Variants in MTMR2 observed in about 807,000 individuals in gnomAD.
The protein encoded by MTMR2 is phosphatidylinositol-3,5-bisphosphate 3-phosphatase MTMR2.
Under a neutral mutation model 86.9 loss-of-function variants are expected in MTMR2, and 55 were observed. The observed-to-expected ratio is 0.63, with a 90% confidence interval of 0.51 to 0.79. MTMR2 has a LOEUF of 0.79. Among genes scored for constraint, MTMR2 ranks in the 30% least tolerant of loss-of-function variants. The pLI, the probability that MTMR2 is intolerant of heterozygous loss-of-function variation, is 0.00. For synonymous variants in MTMR2, 241 were observed against 266.8 expected (o/e 0.90, Z 0.94); for missense variants, 659 against 772.3 (o/e 0.85, Z 1.74).
intron 5 of MTMR2, among the ~76,000 whole-genome samples, chr11:95,861,076 C>T (rs937178064): frequency 1.3e-5 from 2 of 150,580 alleles, no homozygotes; most frequent in African/African-American, 4.9e-5. Context: ...AGGAGAATCC[C>T]GTGAACCCAG....
chr11:95,840,401 G>A (rs1435494362), intron 12 of MTMR2, among the ~76,000 whole-genome samples: 1 of 152,102 alleles, frequency 6.6e-6, no homozygotes, highest in African/African-American at 2.4e-5. Context: ...AAAAAGGATT[G>A]TAGGGACTTA....
intron 1 of MTMR2, among the ~76,000 whole-genome samples, chr11:95,893,164 C>A (rs1203416466): frequency 6.6e-6 from 1 of 152,136 alleles, no homozygotes; most frequent in Admixed American, 6.6e-5. Flanking sequence ...AAGCTGCCAT[C>A]ATTATGGGAA....
chr11:95,889,115 T>C (rs935021688), intron 1 of MTMR2, among the ~76,000 whole-genome samples: 2 of 151,272 alleles, frequency 1.3e-5, no homozygotes, highest in Non-Finnish European at 2.9e-5. Flanking sequence ...ACTTTTACTT[T>C]CTTAAATTCC....
intron 2 of MTMR2, among the ~76,000 whole-genome samples, chr11:95,866,915 T>C (rs1233760030): frequency 6.6e-6 from 1 of 151,972 alleles, no homozygotes; most frequent in Non-Finnish European, 1.5e-5. Flanking sequence ...TATAAAATGG[T>C]AACTATTATA....
At chr11:95,865,922 C>T (rs747551571) in intron 2 of MTMR2, among the ~76,000 whole-genome samples, 1 of 152,068 alleles carries the variant, frequency 6.6e-6, no homozygotes. Flanking sequence ...AAAAATTGTA[C>T]ATGTTTTTGC....
intron 1 of MTMR2, among the ~76,000 whole-genome samples, chr11:95,922,746 G>C (rs887661307): frequency 6.6e-6 from 1 of 152,194 alleles, no homozygotes; most frequent in Admixed American, 6.5e-5. Flanking sequence ...AGGGAGCTAT[G>C]AGTGCATATG....
chr11:95,906,699 C>A (rs562038478), intron 1 of MTMR2, among the ~76,000 whole-genome samples: 2 of 148,348 alleles, frequency 1.3e-5, no homozygotes, highest in South Asian at 4.4e-4. Flanking sequence ...TCTTGGATCA[C>A]AGTGCAATAA....
chr11:95,882,889 A>ATTTTTT (rs776661875), intron 2 of MTMR2, among the ~76,000 whole-genome samples: 12 of 76,104 alleles, frequency 1.6e-4, no homozygotes, highest in Non-Finnish European at 1.9e-4. Context: ...CATCCAGCTA[A>ATTTTTT]TTTTTTTTTT....
chr11:95,863,276 G>A lies in MTMR2; in HGVS notation c.263-910C>T, dbSNP rs148367102. ...CTAAGACCCTTTCAACGGGCTTCTG[G>A]GAAAACTTGGGGCCATGAAATATAT... On this transcript the variant is annotated intron_variant, in intron 3 of 14. Transcript: ENST00000346299. Among the ~76,000 whole-genome samples the A allele has an allele frequency of 5.9e-4, 90 of 152,188 alleles. 3 individuals are homozygous for A. In the East Asian group the frequency reaches 0.014, roughly 23 times the overall value.
chr11:95,907,836 A>G (rs1348240268), intron 1 of MTMR2: 1 of 431,530 alleles, frequency 2.3e-6, no homozygotes, highest in Non-Finnish European at 4.6e-6. Context: ...AAAACCTTCC[A>G]CAAACTAGGC....
rs1863164632 is a variant in MTMR2, at chr11:95,834,504, A to AAATACACTGTAGTAAATAATT, written c.*765_*785dup. 1 of 152,092 alleles carries AAATACACTGTAGTAAATAATT rather than the reference A, an allele frequency of 6.6e-6. No individual in the cohort carries two copies. Among genetic ancestry groups the AAATACACTGTAGTAAATAATT allele is most frequent in the Admixed American group, 6.6e-5 (1 of 15,246 alleles). The allele number at this position is 152,092 out of a possible 1,614,324, so 9.4% of individuals were successfully genotyped here. The stretch of plus-strand genomic sequence containing the variant: ...TGTGTTCAGACACACAAGACAAGTG[A>AAATACACTGTAGTAAATAATT]AATACACTGTAGTAAATAATTAGTT... On this transcript the variant is annotated 3_prime_UTR_variant, in exon 15 of 15. Coordinates refer to ENST00000346299, the MANE Select transcript of MTMR2 (RefSeq NM_016156.6).
intron 1 of MTMR2, among the ~76,000 whole-genome samples, chr11:95,896,168 C>A (rs140191254): frequency 6.6e-6 from 1 of 152,220 alleles, no homozygotes; most frequent in African/African-American, 2.4e-5. Flanking sequence ...AATATCACCT[C>A]CTTGGGAAAA....
chr11:95,846,010 G>A (rs182412770), intron 10 of MTMR2, among the ~76,000 whole-genome samples: 127 of 151,776 alleles, frequency 8.4e-4, no homozygotes, highest in Admixed American at 1.5e-3. Context: ...AGATTATTAA[G>A]CTTGGAAGTA....
intron 2 of MTMR2, among the ~76,000 whole-genome samples, chr11:95,877,259 C>G (rs1356645627): frequency 6.8e-6 from 1 of 146,874 alleles, no homozygotes; most frequent in Non-Finnish European, 1.5e-5. Flanking sequence ...GGTAGAGCCA[C>G]AGACTGGCAT....
chr11:95,861,198 G>A (rs899964530), intron 5 of MTMR2, among the ~76,000 whole-genome samples: 36 of 150,892 alleles, frequency 2.4e-4, no homozygotes, highest in African/African-American at 7.8e-4. Context: ...AGAAAAGATA[G>A]GTGATGATGA....
intron 1 of MTMR2, among the ~76,000 whole-genome samples, chr11:95,909,872 A>G (rs1356298678): frequency 6.6e-6 from 1 of 152,136 alleles, no homozygotes; most frequent in Non-Finnish European, 1.5e-5. Context: ...TGGAAATACA[A>G]GAAGAGAATA....
At chr11:95,863,425 TC>T (rs1226778072) in intron 3 of MTMR2, among the ~76,000 whole-genome samples, 4 of 152,308 alleles carry the variant, frequency 2.6e-5, no homozygotes, top group African/African-American at 9.6e-5. Flanking sequence ...TCAAAATAGT[TC>T]CCTTAGGAAC....
intron 2 of MTMR2, among the ~76,000 whole-genome samples, chr11:95,876,895 A>T (rs1485001698): frequency 6.6e-6 from 1 of 152,146 alleles, no homozygotes; most frequent in African/African-American, 2.4e-5. Context: ...CAATTAGGAA[A>T]TTACTATAAA....
At chr11:95,875,279 G>A (rs955462868) in intron 2 of MTMR2, among the ~76,000 whole-genome samples, 4 of 136,758 alleles carry the variant, frequency 2.9e-5, no homozygotes, top group African/African-American at 9.9e-5. Flanking sequence ...ATATTTCTTG[G>A]AGGCTTTGTT....
Sources: allele counts gnomAD v4.1 joint callset (sites outside exome capture counted in the v4.1 genomes callset), GRCh38; gene constraint gnomAD v4.1.1; transcripts MANE v1.5; gene names NCBI Gene and HGNC (gene_info 2026-07-23, HGNC 2026-07-21).